Variants in XIRP2 observed in about 807,000 individuals in gnomAD.
The protein encoded by XIRP2 is xin actin binding repeat containing 2, also known as xin actin-binding repeat-containing protein 2.
In XIRP2, 236 loss-of-function variants were observed where a neutral mutation model predicts 277.0. The ratio of observed to expected loss-of-function variants is 0.85; its 90% CI spans 0.77 to 0.95. The LOEUF is 0.95. Among genes scored for constraint, XIRP2 ranks in the 40% least tolerant of loss-of-function variants. The pLI, the probability that XIRP2 is intolerant of heterozygous loss-of-function variation, is 0.00. For synonymous variants in XIRP2, 1,490 were observed against 1,416.5 expected, an observed-to-expected ratio of 1.05 and a Z score of -1.17; for missense variants, 4,640 against 4,157.5, an observed-to-expected ratio of 1.12 and a Z score of -3.19.
At chr2:167,147,161 G>C (rs1691885683) in intron 3 of XIRP2, among the ~76,000 whole-genome samples, 1 of 152,166 alleles carries the variant, frequency 6.6e-6, no homozygotes, top group South Asian at 2.1e-4. Flanking sequence ...AGTAATTTGA[G>C]ATAGAAGAGA....
At chr2:167,005,262 G>A (rs551037454) in intron 2 of XIRP2, among the ~76,000 whole-genome samples, 1 of 151,794 alleles carries the variant, frequency 6.6e-6, no homozygotes, top group Non-Finnish European at 1.5e-5. Flanking sequence ...GAAGAAACAA[G>A]AATATATTTT....
intron 5 of XIRP2, among the ~76,000 whole-genome samples, chr2:167,227,786 A>G (rs1189880844): frequency 6.6e-5 from 10 of 152,180 alleles, no homozygotes; most frequent in African/African-American, 2.4e-4. Flanking sequence ...TTAAAAGTAA[A>G]CAAAACAATC....
At chr2:167,133,327 C>T (rs375258094) in intron 2 of XIRP2, among the ~76,000 whole-genome samples, 1 of 152,308 alleles carries the variant, frequency 6.6e-6, no homozygotes, top group African/African-American at 2.4e-5. Context: ...TCTTTTACAT[C>T]TCTACACAGC....
chr2:167,028,753 G>A lies in XIRP2; in HGVS notation c.409-107156G>A, dbSNP rs1348917100. Among the ~76,000 whole-genome samples, 11 of 151,778 alleles carry A rather than the reference G, an allele frequency of 7.2e-5. 1 individual carries two copies. The highest frequency in any genetic ancestry group is 7.2e-4 in the Admixed American group (11 of 15,186). ...CAGTGACGAAATCAAGAATGACAGA[G>A]ATATTTGACCTTTCAGACAAAGAAT... On this transcript the variant is annotated intron_variant, in intron 2 of 10. Coordinates refer to ENST00000409195, the MANE Select transcript of XIRP2 (RefSeq NM_152381.6).
chr2:167,055,964 G>A (rs1230240086), intron 2 of XIRP2, among the ~76,000 whole-genome samples: 3 of 152,018 alleles, frequency 2.0e-5, no homozygotes, highest in Non-Finnish European at 4.4e-5. Context: ...ATTATGTAAT[G>A]TACCCATCTG....
At chr2:167,238,726 A>G (rs905657802) in intron 5 of XIRP2, among the ~76,000 whole-genome samples, 1 of 152,208 alleles carries the variant, frequency 6.6e-6, no homozygotes, top group Non-Finnish European at 1.5e-5. Context: ...CTCAAAAATA[A>G]TATTTATTAT....
chr2:167,153,571 A>G (rs1574302522), intron 3 of XIRP2, among the ~76,000 whole-genome samples: 1 of 141,614 alleles, frequency 7.1e-6, no homozygotes, highest in Admixed American at 7.3e-5. Context: ...CCCCCACCCC[A>G]CAACAGTCCC....
intron 2 of XIRP2, among the ~76,000 whole-genome samples, chr2:166,905,307 G>A (rs1009181501): frequency 2.0e-5 from 3 of 151,778 alleles, no homozygotes; most frequent in Non-Finnish European, 4.4e-5. Context: ...ATTTACCCAA[G>A]ATAACTGACA....
At chr2:166,902,288 T>A (rs1052650040) in intron 1 of XIRP2, among the ~76,000 whole-genome samples, 14 of 152,132 alleles carry the variant, frequency 9.2e-5, no homozygotes, top group Non-Finnish European at 1.9e-4. Flanking sequence ...TATTGTTTAA[T>A]GAACACAAAG....
At chr2:166,905,619 G>A (rs1684497418) in intron 2 of XIRP2, among the ~76,000 whole-genome samples, 1 of 151,792 alleles carries the variant, frequency 6.6e-6, no homozygotes, top group African/African-American at 2.4e-5. Context: ...GTCATAATAT[G>A]GTATTTCCAT....
At chr2:167,013,553 A>T (rs1002974150) in intron 2 of XIRP2, among the ~76,000 whole-genome samples, 1 of 151,518 alleles carries the variant, frequency 6.6e-6, no homozygotes. Context: ...TGCTAAATGC[A>T]TGGAGAATAT....
chr2:166,904,062 G>A (rs1337771236), intron 2 of XIRP2, among the ~76,000 whole-genome samples, 172 bp downstream of exon 2: 1 of 151,976 alleles, frequency 6.6e-6, no homozygotes, highest in Non-Finnish European at 1.5e-5. Context: ...TTTTCTCTAA[G>A]GTCTGCTTCA....
intron 2 of XIRP2, among the ~76,000 whole-genome samples, chr2:167,089,239 A>G (rs1438728059): frequency 6.6e-6 from 1 of 152,164 alleles, no homozygotes; most frequent in Admixed American, 6.5e-5. Flanking sequence ...TCACTTTTCC[A>G]ATAGCAAAGA....
intron 2 of XIRP2, among the ~76,000 whole-genome samples, chr2:167,107,316 G>GTAA (rs146136040): frequency 0.03 from 4,607 of 151,846 alleles, 77 homozygotes; most frequent in East Asian, 0.05. Context: ...GCCTTCACCA[G>GTAA]TAAGCATAAT....
intron 2 of XIRP2, among the ~76,000 whole-genome samples, chr2:166,996,067 C>T (rs1377699969): frequency 6.6e-6 from 1 of 152,160 alleles, no homozygotes; most frequent in East Asian, 1.9e-4. Flanking sequence ...TAAACGACTA[C>T]TTAATGTCTC....
At chr2:167,083,278 G>T (rs905315931) in intron 2 of XIRP2, among the ~76,000 whole-genome samples, 9 of 152,146 alleles carry the variant, frequency 5.9e-5, no homozygotes, top group African/African-American at 2.2e-4. Context: ...ATTTCTGAGG[G>T]CTCTGTTCTG....
At chr2:166,922,653 A>G (rs532668875) in intron 2 of XIRP2, among the ~76,000 whole-genome samples, 84 of 152,054 alleles carry the variant, frequency 5.5e-4, no homozygotes, top group Admixed American at 1.6e-3. Flanking sequence ...ATACACATAC[A>G]TATATACACA....
chr2:166,934,514 G>A (rs1373320697), intron 2 of XIRP2, among the ~76,000 whole-genome samples: 3 of 152,212 alleles, frequency 2.0e-5, no homozygotes, highest in Non-Finnish European at 4.4e-5. Flanking sequence ...ACATGGTTAA[G>A]CTATGCCCAG....
intron 2 of XIRP2, among the ~76,000 whole-genome samples, chr2:166,973,934 G>A (rs1686645010): frequency 6.6e-6 from 1 of 152,122 alleles, no homozygotes; most frequent in East Asian, 1.9e-4. Flanking sequence ...GTTATAAAAT[G>A]AATTTTAAAA....
Sources: allele counts gnomAD v4.1 joint callset (sites outside exome capture counted in the v4.1 genomes callset), GRCh38; gene constraint gnomAD v4.1.1; transcripts MANE v1.5; gene names NCBI Gene and HGNC (gene_info 2026-07-23, HGNC 2026-07-21).